Variants in DLGAP4 observed in about 807,000 individuals in gnomAD.
DLGAP4 encodes disks large-associated protein 4.
Under a neutral mutation model 86.9 loss-of-function variants are expected in DLGAP4, and 18 were observed. The observed-to-expected ratio is 0.21, with a 90% CI of 0.14 to 0.31. The LOEUF is 0.31. DLGAP4 is among the 10% of genes least tolerant of loss of function. DLGAP4 has a pLI of 1.00. For synonymous variants in DLGAP4, 548 were observed against 574.3 expected (o/e 0.95, Z 0.65); for missense variants, 1,085 against 1,362.6 (o/e 0.80, Z 3.21).
At chr20:36,323,108 G>A (rs1383771834) in intron 1 of DLGAP4, among the ~76,000 whole-genome samples, 1 of 145,970 alleles carries the variant, frequency 6.9e-6, no homozygotes, top group East Asian at 2.1e-4. Flanking sequence ...AGCCTGGGAG[G>A]TTGAGGCTGC....
At chr20:36,322,514 A>G (rs2065178791) in intron 1 of DLGAP4, among the ~76,000 whole-genome samples, 1 of 152,208 alleles carries the variant, frequency 6.6e-6, no homozygotes, top group South Asian at 2.1e-4. Context: ...AAGTAGGGGC[A>G]GTGATGGTCC....
chr20:36,334,992 G>A (rs544541305), intron 1 of DLGAP4, among the ~76,000 whole-genome samples: 1 of 152,314 alleles, frequency 6.6e-6, no homozygotes, highest in Non-Finnish European at 1.5e-5. Context: ...CTGCTTTATT[G>A]TTCCTATTTG....
At chr20:36,366,742 G>A (rs2030701081) in intron 1 of DLGAP4, among the ~76,000 whole-genome samples, 1 of 152,196 alleles carries the variant, frequency 6.6e-6, no homozygotes, top group South Asian at 2.1e-4. Context: ...AAGCAAGACA[G>A]GGAAGGATTT....
At chr20:36,418,266 G>A in intron 2 of DLGAP4, among the ~76,000 whole-genome samples, 1 of 149,416 alleles carries the variant, frequency 6.7e-6, no homozygotes, top group East Asian at 2.0e-4. Context: ...GGCGCTCACT[G>A]CCACACCTGG....
chr20:36,526,702 G>A, intron 12 of DLGAP4, 111 bp from the exon 13 acceptor site: 1 of 982,244 alleles, frequency 1.0e-6, no homozygotes, highest in Non-Finnish European at 1.5e-6. Context: ...TGTGCCCGAT[G>A]CGGGGAGGCT....
intron 2 of DLGAP4, among the ~76,000 whole-genome samples, chr20:36,401,201 G>A (rs1234730353): frequency 6.6e-6 from 1 of 152,228 alleles, no homozygotes; most frequent in African/African-American, 2.4e-5. Flanking sequence ...CCTGTTCCGA[G>A]AAACCAAATA....
At chr20:36,512,661 T>A (rs1030543694) in intron 10 of DLGAP4, 1 of 152,334 alleles carries the variant, frequency 6.6e-6, no homozygotes, top group African/African-American at 2.4e-5. Flanking sequence ...GCAGGGTCGG[T>A]GTTGCTGTTG....
Position 36,308,806 on chromosome 20 carries a change from G to A in DLGAP4, c.-304+2294G>A, listed in dbSNP as rs527542397. On this transcript the variant is annotated intron_variant, in intron 1 of 12. Transcript: ENST00000339266. This position sits in a 1 kb window ranked among gnomAD's most constrained non-coding sequence, Gnocchi z 4.5. ...TCATTCAGAAAAGCATTAGAAAATC[G>A]CATTTGCTAACATCAGTGCATTTGA... 4.5e-4 allele frequency among the ~76,000 whole-genome samples: 69 copies of A among 152,218 alleles called. No individual in the cohort carries two copies. Among genetic ancestry groups the A allele is most frequent in the African/African-American group, 1.6e-3 (65 of 41,522 alleles).
chr20:36,450,943 CCACAGCTCTTGG>C (rs747355493), intron 7 of DLGAP4, among the ~76,000 whole-genome samples: 22 of 152,234 alleles, frequency 1.4e-4, no homozygotes, highest in Non-Finnish European at 2.6e-4. Context: ...CTACTGTTCT[CCACAGCTCTTGG>C]TTCTGCTCTC....
intron 2 of DLGAP4, among the ~76,000 whole-genome samples, chr20:36,369,003 C>T (rs367618233): frequency 2.0e-5 from 3 of 152,274 alleles, no homozygotes; most frequent in African/African-American, 7.2e-5. Context: ...GCAGACAGCC[C>T]CTGGCGTGTG....
At chr20:36,316,458 T>G (rs2065101074) in intron 1 of DLGAP4, among the ~76,000 whole-genome samples, 1 of 152,128 alleles carries the variant, frequency 6.6e-6, no homozygotes, top group Non-Finnish European at 1.5e-5. Context: ...CTTTGCTTGG[T>G]AACTCTGATT....
At chr20:36,337,577 A>C (rs1175858924) in intron 1 of DLGAP4, among the ~76,000 whole-genome samples, 2 of 152,258 alleles carry the variant, frequency 1.3e-5, no homozygotes, top group African/African-American at 4.8e-5. Context: ...GACAGGAGGC[A>C]GGGACACTGG....
chr20:36,482,071 G>A (rs2035211260), intron 7 of DLGAP4, among the ~76,000 whole-genome samples: 1 of 152,200 alleles, frequency 6.6e-6, no homozygotes, highest in South Asian at 2.1e-4. Context: ...CTGACCTGAA[G>A]TGAACTCACG....
chr20:36,515,606 A>G (rs973004541), intron 10 of DLGAP4, among the ~76,000 whole-genome samples: 2 of 152,176 alleles, frequency 1.3e-5, no homozygotes, highest in African/African-American at 4.8e-5. Context: ...ATTTATTTAA[A>G]TAGAGATGGT....
Position 36,446,812 on chromosome 20 carries a change from C to T in DLGAP4, c.1523C>T (p.Ser508Phe). Residue 508 changes from serine to phenylalanine, a missense_variant, in exon 7 of 13, where the codon TCC becomes TTC. Coordinates refer to ENST00000339266, the MANE Select transcript of DLGAP4 (RefSeq NM_001365621.2). ...LDLPLPSYFRSRSHSYLRAIQ... is the reference protein window; with the variant it reads ...LDLPLPSYFRFRSHSYLRAIQ... ...TTGCCACTGCCCAGCTACTTCCGCT[C>T]CCGCAGCCACAGCTACCTGCGTGCC... 1 of 1,612,828 alleles carries T rather than the reference C, an allele frequency of 6.2e-7. No individual in the cohort carries two copies. Among genetic ancestry groups the T allele is most frequent in the Non-Finnish European group, 8.5e-7 (1 of 1,179,772 alleles).
intron 10 of DLGAP4, among the ~76,000 whole-genome samples, chr20:36,503,551 G>A (rs2036237879): frequency 2.1e-5 from 3 of 144,252 alleles, no homozygotes; most frequent in South Asian, 2.2e-4. Flanking sequence ...GCAGTGGCGC[G>A]ATCTTGGCTC....
rs562696722 is a variant in DLGAP4, at chr20:36,453,491, T to TA, written c.1648+6562dup. On this transcript the variant is annotated intron_variant, in intron 7 of 12. Coordinates refer to ENST00000339266, the MANE Select transcript of DLGAP4 (RefSeq NM_001365621.2). ...ATAGTGAGAACCTGTCTCTACAAAA[T>TA]AAAAAAAATTAGCTGTGCATGGTGG... is the stretch of plus-strand genomic sequence containing the variant. Among the ~76,000 whole-genome samples the TA allele has an allele frequency of 7.5e-4, 114 of 151,084 alleles. 1 individual carries two copies. The highest frequency in any genetic ancestry group is 4.2e-4 in the South Asian group (2 of 4,770).
intron 1 of DLGAP4, among the ~76,000 whole-genome samples, chr20:36,327,590 C>CTTTTTT (rs555766337): frequency 8.3e-6 from 1 of 120,022 alleles, no homozygotes; most frequent in Non-Finnish European, 1.7e-5. Context: ...TGGTTAAATT[C>CTTTTTT]TTTTTTTTTT....
At chr20:36,376,188 T>A (rs1427517471) in intron 2 of DLGAP4, among the ~76,000 whole-genome samples, 2 of 151,960 alleles carry the variant, frequency 1.3e-5, no homozygotes, top group Admixed American at 6.5e-5. Context: ...TTAAAAATAT[T>A]TTTTTAAGGC....
Sources: allele counts gnomAD v4.1 joint callset (sites outside exome capture counted in the v4.1 genomes callset), GRCh38; gene constraint gnomAD v4.1.1; non-coding constraint Gnocchi (gnomAD v3.1); transcripts MANE v1.5; gene names NCBI Gene and HGNC (gene_info 2026-07-23, HGNC 2026-07-21).